Variants in ANKRD28 observed in about 807,000 individuals in gnomAD.
The protein encoded by ANKRD28 is serine/threonine-protein phosphatase 6 regulatory ankyrin repeat subunit A.
Under a neutral mutation model 126.5 loss-of-function variants are expected in ANKRD28, and 44 were observed. The observed-to-expected ratio is 0.35, with a 90% CI of 0.27 to 0.45. The LOEUF (loss-of-function observed/expected upper bound fraction) is 0.45, where lower values mean the gene tolerates loss of function less well. Ranked by LOEUF, ANKRD28 falls within the 20% of genes least tolerant of loss-of-function variation. ANKRD28 has a pLI of 1.00. For synonymous variants in ANKRD28, 442 were observed against 468.5 expected (o/e 0.94, Z 0.73); for missense variants, 1,110 against 1,316.6 (o/e 0.84, Z 2.43).
chr3:15,754,776 T>C (rs1028642316), intron 3 of ANKRD28, among the ~76,000 whole-genome samples: 1 of 152,118 alleles, frequency 6.6e-6, no homozygotes. Flanking sequence ...AAACTGGGCA[T>C]ATGGAGGTAC....
At chr3:15,674,198 A>AG (rs2066694408) in intron 27 of ANKRD28, among the ~76,000 whole-genome samples, 1 of 149,928 alleles carries the variant, frequency 6.7e-6, no homozygotes, top group African/African-American at 2.5e-5. Flanking sequence ...AAAAAAAAAA[A>AG]GAAGAAGAAC....
chr3:15,716,676 C>T (rs969085835), intron 8 of ANKRD28, among the ~76,000 whole-genome samples: 3 of 151,968 alleles, frequency 2.0e-5, no homozygotes, highest in Admixed American at 6.6e-5. Flanking sequence ...CTAAACAACC[C>T]CCACAACTCA....
chr3:15,743,660 C>T (rs531971467), intron 4 of ANKRD28, among the ~76,000 whole-genome samples: 3 of 151,982 alleles, frequency 2.0e-5, no homozygotes, highest in East Asian at 3.9e-4. Flanking sequence ...ATATGCAGTA[C>T]TTACACAGAG....
At chr3:15,782,849 C>A (rs929037773) in intron 2 of ANKRD28, among the ~76,000 whole-genome samples, 2 of 152,108 alleles carry the variant, frequency 1.3e-5, no homozygotes, top group Non-Finnish European at 2.9e-5. Context: ...TCTTCATTCT[C>A]TTAGAACACA....
Position 15,797,968 on chromosome 3 carries a change from T to C in ANKRD28, c.-1447A>G. The C allele has an allele frequency of 1.0e-6, 1 of 985,368 alleles. No homozygotes were observed. Among genetic ancestry groups the C allele is most frequent in the African/African-American group, 1.7e-5 (1 of 57,346 alleles). The allele number at this position is 985,368 out of a possible 1,614,324, so 61.0% of individuals were successfully genotyped here. ...CCTAGTAATGCTCACATGTTACACTTACCAGAGATCTGAGCTACTTCTCGG... is the reference window on the plus strand; with the variant it reads ...CCTAGTAATGCTCACATGTTACACTCACCAGAGATCTGAGCTACTTCTCGG... On this transcript the variant is annotated 5_prime_UTR_variant, in exon 1 of 28. Coordinates refer to ENST00000683139, the MANE Select transcript of ANKRD28 (RefSeq NM_001349278.2).
intron 2 of ANKRD28, among the ~76,000 whole-genome samples, chr3:15,788,125 G>A (rs2059865880): frequency 6.6e-6 from 1 of 152,044 alleles, no homozygotes; most frequent in African/African-American, 2.4e-5. Context: ...ATACTACTTT[G>A]ACATTTTTAT....
chr3:15,813,037 T>C (rs1020743762), intron 1 of ANKRD28, among the ~76,000 whole-genome samples: 4 of 148,940 alleles, frequency 2.7e-5, no homozygotes, highest in Non-Finnish European at 4.4e-5. Context: ...AACAGCTTTT[T>C]AATCACCTCC....
chr3:15,778,932 T>C (rs1303534670), intron 2 of ANKRD28, among the ~76,000 whole-genome samples: 1 of 152,182 alleles, frequency 6.6e-6, no homozygotes, highest in Admixed American at 6.5e-5. Context: ...GTTGTATAAG[T>C]ATGTAGCATT....
chr3:15,812,613 A>G lies in ANKRD28; in HGVS notation c.28-17307T>C, dbSNP rs1363798833. On this transcript the variant is annotated intron_variant, in intron 1 of 27. Coordinates refer to the ANKRD28 transcript ENST00000399451. The surrounding 1 kb of genome is among the most constrained non-coding windows in gnomAD (Gnocchi z 4.1). ...TGTTGTTTTTCTGTCTTGCTTACCA[A>G]TTATCCAAATGCTCGTTTGGGAACA... 6.6e-6 allele frequency among the ~76,000 whole-genome samples: 1 copy of G among 152,178 alleles called. No individual in the cohort carries two copies. The highest frequency in any genetic ancestry group is 6.5e-5 in the Admixed American group (1 of 15,282).
Position 15,751,752 on chromosome 3 carries a change from C to A in ANKRD28, c.349G>T (p.Glu117Ter). The A allele has an allele frequency of 6.4e-7, 1 of 1,573,788 alleles. No individual in the cohort carries two copies. ...ATTTACTAAGAGAAATTTCATACCT[C>A]ACTACAAGATGCAACTGCTCTGTGT... Reference protein sequence around the residue: ...PLHRAVASCSEEAVQVLLKHS... With the variant: ...PLHRAVASCS Residue 117 changes from glutamate (E) to a stop codon, truncating the protein, a stop_gained and splice_region_variant, in exon 4 of 28, where the codon GAG (glutamate) becomes TAG (stop). Coordinates refer to ENST00000683139, the MANE Select transcript of ANKRD28 (RefSeq NM_001349278.2). LOFTEE classifies it high-confidence loss of function.
Position 15,668,597 on chromosome 3 carries a change from T to C in ANKRD28, c.*1673A>G, listed in dbSNP as rs1261541998. On this transcript the variant is annotated 3_prime_UTR_variant, in exon 28 of 28. Coordinates refer to ENST00000683139, the MANE Select transcript of ANKRD28 (RefSeq NM_001349278.2). ...ATAATATGCACAGATACAAATACATTATTCATTAAATACAACTCACATCTG... is the reference window on the plus strand; with the variant it reads ...ATAATATGCACAGATACAAATACATCATTCATTAAATACAACTCACATCTG... 6.6e-6 allele frequency: 1 copy of C among 152,556 alleles called. No individual in the cohort carries two copies. The highest frequency in any genetic ancestry group is 1.5e-5 in the Non-Finnish European group (1 of 68,012). The allele number at this position is 152,556 out of a possible 1,614,324, so 9.5% of individuals were successfully genotyped here.
rs1273448589 is a variant in ANKRD28 at position 15,854,065 on chromosome 3, T to C, written c.27+5312A>G. 4.6e-5 allele frequency among the ~76,000 whole-genome samples: 7 copies of C among 152,200 alleles called. No homozygotes were observed. Among genetic ancestry groups the C allele is most frequent in the African/African-American group, 1.7e-4 (7 of 41,446 alleles). On this transcript the variant is annotated intron_variant, in intron 1 of 27. Transcript: ENST00000399451. This position sits in a 1 kb window ranked among gnomAD's most constrained non-coding sequence, Gnocchi z 4.1. ...TTTGTCTGCCTTTTGTAATCTACTC[T>C]TCCAAAACCTGTAATGGTTATCTAA...
intron 3 of ANKRD28, among the ~76,000 whole-genome samples, chr3:15,760,593 A>AAG (rs1230028025): frequency 6.6e-6 from 1 of 152,198 alleles, no homozygotes; most frequent in Non-Finnish European, 1.5e-5. Flanking sequence ...CCCAGAAAAT[A>AAG]AGATGAATTC....
At chr3:15,746,447 T>C (rs185189325) in intron 4 of ANKRD28, among the ~76,000 whole-genome samples, 2 of 152,354 alleles carry the variant, frequency 1.3e-5, no homozygotes, top group East Asian at 1.9e-4. Flanking sequence ...AAATGCTTTT[T>C]CTGCATCTAT....
At chr3:15,746,901 C>G (rs1002543872) in intron 4 of ANKRD28, among the ~76,000 whole-genome samples, 9 of 152,144 alleles carry the variant, frequency 5.9e-5, no homozygotes, top group African/African-American at 2.2e-4. Flanking sequence ...TTCAGAGATT[C>G]TATACCTTCC....
chr3:15,849,110 G>A (rs1331892002), intron 1 of ANKRD28, among the ~76,000 whole-genome samples: 1 of 152,012 alleles, frequency 6.6e-6, no homozygotes, highest in African/African-American at 2.4e-5. Flanking sequence ...ATTTAAGAAA[G>A]TCCAAAACTT....
At chr3:15,779,797 T>TA (rs1455746787) in intron 2 of ANKRD28, among the ~76,000 whole-genome samples, 1 of 152,198 alleles carries the variant, frequency 6.6e-6, no homozygotes, top group Non-Finnish European at 1.5e-5. Flanking sequence ...TAATAATATA[T>TA]AAAAATACAG....
At chr3:15,743,594 GCA>G (rs1269134427) in intron 4 of ANKRD28, among the ~76,000 whole-genome samples, 2 of 102,318 alleles carry the variant, frequency 2.0e-5, no homozygotes, top group Non-Finnish European at 4.2e-5. Context: ...ACACACACAC[GCA>G]CACCAAAAAC....
intron 1 of ANKRD28, among the ~76,000 whole-genome samples, chr3:15,834,975 C>G (rs112780939): frequency 6.6e-6 from 1 of 152,114 alleles, no homozygotes; most frequent in Non-Finnish European, 1.5e-5. Context: ...CGGCAAAATG[C>G]TCTCTCTACT....
Sources: gnomAD v4.1 joint callset for allele counts (sites outside exome capture counted in the v4.1 genomes callset) on GRCh38, gnomAD v4.1.1 for gene constraint, Gnocchi (gnomAD v3.1) non-coding constraint, MANE v1.5 for transcripts, NCBI Gene and HGNC (gene_info 2026-07-23, HGNC 2026-07-21) for gene names.